C12orf42: variants seen among roughly 807,000 people sequenced by gnomAD.
C12orf42 encodes the protein uncharacterized protein C12orf42.
A neutral mutation model predicts 21.6 loss-of-function variants in C12orf42; 25 were observed. That is an observed-to-expected ratio of 1.16 (90% CI 0.84 to 1.62). C12orf42 has a LOEUF of 1.62. C12orf42 is among the 40% of genes most tolerant of loss of function. The pLI is 0.00. For missense variants in C12orf42, 483 were observed against 459.3 expected (o/e 1.05, Z -0.47); for synonymous variants, 174 against 175.0 (o/e 0.99, Z 0.05).
chr12:103,531,571 T>C, the C12orf42 span, among the ~76,000 whole-genome samples: 1 of 152,234 alleles, frequency 6.6e-6, no homozygotes, highest in Admixed American at 6.5e-5. Flanking sequence ...TCCTCCCAGC[T>C]CATGATTTCA....
chr12:103,217,947 A>C, the C12orf42 span, among the ~76,000 whole-genome samples: 4 of 151,972 alleles, frequency 2.6e-5, no homozygotes, highest in African/African-American at 9.7e-5. Flanking sequence ...TATACCATTC[A>C]TTTGTTGCTG....
intron 3 of C12orf42, among the ~76,000 whole-genome samples, chr12:103,385,381 G>C (rs1192023712): frequency 6.6e-6 from 1 of 152,068 alleles, no homozygotes; most frequent in Non-Finnish European, 1.5e-5. Context: ...AAATCTATTG[G>C]CACTGCATGT....
At position 103,308,662 on chromosome 12, in the gene C12orf42, G is replaced by A. The variant is rs201409461; in HGVS notation, c.260-2317C>T. Among the ~76,000 whole-genome samples, 6 of 152,200 alleles carry A rather than the reference G, an allele frequency of 3.9e-5. No individual in the cohort carries two copies. The East Asian group carries it at 9.6e-4, about 24-fold the overall frequency. On this transcript the variant is annotated intron_variant, in intron 4 of 5. Coordinates refer to ENST00000548883, the MANE Select transcript of C12orf42 (RefSeq NM_198521.5). ...CAAATAAAGGGCAATTTGCAGGAAG[G>A]CATTGGGCCTGAGGTAGCATGAACA...
chr12:103,235,006 T>C (rs1429181428), downstream of C12orf42, among the ~76,000 whole-genome samples: 1 of 152,190 alleles, frequency 6.6e-6, no homozygotes, highest in Non-Finnish European at 1.5e-5. Context: ...CATATTCAAA[T>C]GCAAAATGTT....
chr12:103,078,649 C>G, the C12orf42 span, among the ~76,000 whole-genome samples: 1 of 152,104 alleles, frequency 6.6e-6, no homozygotes, highest in African/African-American at 2.4e-5. Context: ...ATGAATTTCC[C>G]TTAGGAGGTT....
intron 4 of C12orf42, among the ~76,000 whole-genome samples, chr12:103,308,978 A>T (rs1271592585): frequency 2.0e-5 from 3 of 152,230 alleles, no homozygotes; most frequent in Non-Finnish European, 4.4e-5. Context: ...GCTAGGAAAA[A>T]GGCACTGAAC....
At chr12:103,481,881 G>A (rs906001710) in intron 1 of C12orf42, among the ~76,000 whole-genome samples, 5 of 149,294 alleles carry the variant, frequency 3.3e-5, no homozygotes, top group Non-Finnish European at 5.9e-5. Flanking sequence ...TCCCCTCTAC[G>A]TCTTGGAAGT....
At chr12:103,446,925 T>C (rs965883878) in intron 2 of C12orf42, among the ~76,000 whole-genome samples, 4 of 151,974 alleles carry the variant, frequency 2.6e-5, no homozygotes, top group Admixed American at 2.0e-4. Context: ...GAGACTTTAA[T>C]ACTCCATTGA....
the C12orf42 span, among the ~76,000 whole-genome samples, chr12:103,088,174 T>G: frequency 0.011 from 1,617 of 152,340 alleles, 12 homozygotes; most frequent in South Asian, 0.019. Context: ...AGGAGAATTT[T>G]CCATGAGGAA....
the C12orf42 span, among the ~76,000 whole-genome samples, chr12:103,108,735 T>G: frequency 1.3e-5 from 2 of 152,128 alleles, no homozygotes. Context: ...GTATGGAAGG[T>G]CTTAGCTAGT....
chr12:103,525,013 G>GTTTGTTTTGT, the C12orf42 span, among the ~76,000 whole-genome samples: 1 of 151,502 alleles, frequency 6.6e-6, no homozygotes. Flanking sequence ...TTTGTTTTTT[G>GTTTGTTTTGT]TTTGTTTTGT....
intron 1 of C12orf42, among the ~76,000 whole-genome samples, chr12:103,480,008 T>A (rs934902066): frequency 6.6e-6 from 1 of 151,944 alleles, no homozygotes; most frequent in Non-Finnish European, 1.5e-5. Context: ...TGTATAGGAT[T>A]TAAATTACTT....
the C12orf42 span, among the ~76,000 whole-genome samples, chr12:103,133,677 G>A: frequency 6.6e-6 from 1 of 152,192 alleles, no homozygotes; most frequent in Non-Finnish European, 1.5e-5. Flanking sequence ...CAAAGTCAAA[G>A]TACCCAACTG....
At chr12:103,560,337 C>G in the C12orf42 span, among the ~76,000 whole-genome samples, 21 of 152,208 alleles carry the variant, frequency 1.4e-4, no homozygotes, top group African/African-American at 4.8e-4. Flanking sequence ...AAGCCAGAGA[C>G]AGTGGATGCA....
intron 2 of C12orf42, among the ~76,000 whole-genome samples, chr12:103,477,549 A>T (rs1288386972): frequency 6.6e-6 from 1 of 152,138 alleles, no homozygotes; most frequent in Non-Finnish European, 1.5e-5. Flanking sequence ...ATCCTGGATT[A>T]TCCAGGATCC....
At chr12:103,289,899 C>A (rs1195971753) in intron 4 of C12orf42, among the ~76,000 whole-genome samples, 3 of 152,250 alleles carry the variant, frequency 2.0e-5, no homozygotes, top group Middle Eastern at 3.4e-3. Context: ...TTGGTAACTT[C>A]TTTTTTTCTC....
At chr12:103,535,773 G>A in the C12orf42 span, among the ~76,000 whole-genome samples, 1 of 152,050 alleles carries the variant, frequency 6.6e-6, no homozygotes, top group Non-Finnish European at 1.5e-5. Flanking sequence ...AGATCTGTGA[G>A]ATAATAAGAA....
chr12:103,254,804 C>T (rs117592752), intron 10 of C12orf42, among the ~76,000 whole-genome samples: 7,554 of 152,178 alleles, frequency 0.05, 241 homozygotes, highest in Non-Finnish European at 0.075. Context: ...AAATAGCTAA[C>T]GCATTCTGGG....
intron 1 of C12orf42, among the ~76,000 whole-genome samples, 161 bp from the exon 2 acceptor site, chr12:103,478,608 G>A (rs1395514221): frequency 7.1e-6 from 1 of 140,236 alleles, no homozygotes; most frequent in African/African-American, 2.6e-5. Context: ...TTTTTTGGGG[G>A]AGACAGGGTC....
Sources: allele counts gnomAD v4.1 joint callset (sites outside exome capture counted in the v4.1 genomes callset), GRCh38; gene constraint gnomAD v4.1.1; transcripts MANE v1.5; gene names NCBI Gene and HGNC (gene_info 2026-07-23, HGNC 2026-07-21).